Variants in NTM observed in about 807,000 individuals in gnomAD.
The protein encoded by NTM is neurotrimin, also known as IgLON family member 2.
In NTM, 13 loss-of-function variants were observed where a neutral mutation model predicts 42.1. That is an observed-to-expected ratio of 0.31 (90% CI 0.20 to 0.49). The LOEUF (loss-of-function observed/expected upper bound fraction) is 0.49, where lower values mean the gene tolerates loss of function less well. NTM is among the 20% of genes least tolerant of loss of function. The pLI is 0.99. For synonymous variants in NTM, 187 were observed against 179.2 expected (o/e 1.04, Z -0.35); for missense variants, 373 against 452.8 (o/e 0.82, Z 1.60).
intron 2 of NTM, among the ~76,000 whole-genome samples, chr11:132,048,818 CTTTTTTTT>C (rs10563617): frequency 6.8e-5 from 9 of 132,998 alleles, no homozygotes; most frequent in South Asian, 2.5e-4. Flanking sequence ...TTTCTTTTTT[CTTTTTTTT>C]TTTTTTTTTT....
intron 2 of NTM, among the ~76,000 whole-genome samples, chr11:131,931,471 G>A (rs1047383731): frequency 9.1e-6 from 1 of 109,978 alleles, no homozygotes; most frequent in Non-Finnish European, 1.8e-5. Context: ...ATATATACGT[G>A]TGTGTGTGTG....
At chr11:132,285,052 G>A (rs1019861617) in intron 4 of NTM, 2 of 152,416 alleles carry the variant, frequency 1.3e-5, no homozygotes, top group African/African-American at 4.8e-5. Flanking sequence ...AGAAAGAGCA[G>A]TGTGAGGAGC....
chr11:132,023,803 TGG>T (rs1306432600), intron 2 of NTM, among the ~76,000 whole-genome samples: 13 of 119,790 alleles, frequency 1.1e-4, no homozygotes, highest in South Asian at 2.6e-4. Context: ...TTGTTGGTGG[TGG>T]TGGTTTTGTT....
At chr11:131,647,113 C>G (rs865802151) in intron 1 of NTM, among the ~76,000 whole-genome samples, 3 of 152,196 alleles carry the variant, frequency 2.0e-5, no homozygotes, top group Non-Finnish European at 4.4e-5. Context: ...AAATCCCACA[C>G]GTTTTCTCAG....
At chr11:132,170,387 C>G (rs1433345583) in intron 3 of NTM, among the ~76,000 whole-genome samples, 1 of 152,194 alleles carries the variant, frequency 6.6e-6, no homozygotes, top group Non-Finnish European at 1.5e-5. Context: ...CAGTGATGAG[C>G]AACTAACTAC....
chr11:132,226,530 A>G (rs561587312), intron 4 of NTM, among the ~76,000 whole-genome samples: 6 of 152,068 alleles, frequency 3.9e-5, no homozygotes, highest in Admixed American at 6.6e-5. Context: ...GTCTGTTCAT[A>G]TCCTTCGCCC....
At chr11:131,805,954 G>A (rs1052663030) in intron 1 of NTM, among the ~76,000 whole-genome samples, 10 of 152,134 alleles carry the variant, frequency 6.6e-5, no homozygotes, top group East Asian at 1.9e-4. Flanking sequence ...TGGACTTCAC[G>A]CTTTTGATAA....
At position 131,711,643 on chromosome 11, in the gene NTM, AG is replaced by A. The variant is rs796718830; in HGVS notation, c.83-199919del. Among the ~76,000 whole-genome samples the A allele has an allele frequency of 8.5e-5, 13 of 152,190 alleles. No individual in the cohort carries two copies. In the South Asian group the frequency reaches 2.5e-3, roughly 29 times the overall value. On this transcript the variant is annotated intron_variant, in intron 1 of 8. Transcript: ENST00000683400. ...ATCCCATTACTGGGTATATACCCAA[AG>A]GACTATAAATCATGCTGCTATAAAG...
chr11:131,543,886 CAGTT>C (rs1202680825), intron 1 of NTM, among the ~76,000 whole-genome samples: 4 of 152,334 alleles, frequency 2.6e-5, no homozygotes, highest in African/African-American at 7.2e-5. Flanking sequence ...TAATTAATAA[CAGTT>C]AGTAAACACC....
intron 2 of NTM, among the ~76,000 whole-genome samples, chr11:132,020,827 TA>T (rs2074225887): frequency 6.6e-6 from 1 of 152,126 alleles, no homozygotes; most frequent in Non-Finnish European, 1.5e-5. Context: ...ATGGTTGTTT[TA>T]TTTTTTTCTT....
intron 3 of NTM, among the ~76,000 whole-genome samples, chr11:132,187,623 G>A (rs1177770473): frequency 6.6e-6 from 1 of 152,122 alleles, no homozygotes; most frequent in East Asian, 1.9e-4. Flanking sequence ...CCTCCAGAAG[G>A]GGCAGTGAGA....
intron 2 of NTM, among the ~76,000 whole-genome samples, chr11:132,040,431 T>A (rs534626861): frequency 6.6e-6 from 1 of 152,362 alleles, no homozygotes; most frequent in East Asian, 1.9e-4. Flanking sequence ...TGGGGCAGTT[T>A]GGGTGACACA....
At chr11:132,062,697 T>C (rs1228903316) in intron 2 of NTM, among the ~76,000 whole-genome samples, 1 of 152,198 alleles carries the variant, frequency 6.6e-6, no homozygotes, top group Non-Finnish European at 1.5e-5. Flanking sequence ...GTGAGAAGAC[T>C]TCAGAATCAT....
intron 1 of NTM, among the ~76,000 whole-genome samples, chr11:131,618,851 C>G (rs1451326683): frequency 6.6e-6 from 1 of 152,142 alleles, no homozygotes; most frequent in Non-Finnish European, 1.5e-5. Context: ...CCATGTGTAT[C>G]CATCACCAAC....
intron 2 of NTM, among the ~76,000 whole-genome samples, chr11:132,088,874 C>T (rs2060057140): frequency 2.0e-5 from 3 of 151,276 alleles, no homozygotes; most frequent in South Asian, 2.1e-4. Context: ...GTCTTTTTTG[C>T]ATTATTAACT....
At chr11:131,822,779 A>T (rs924339664) in intron 1 of NTM, among the ~76,000 whole-genome samples, 7 of 152,214 alleles carry the variant, frequency 4.6e-5, no homozygotes, top group Admixed American at 1.3e-4. Flanking sequence ...AGGGGAACTT[A>T]TGAAAACAAA....
At chr11:131,382,736 T>G (rs1942841192) in intron 1 of NTM, among the ~76,000 whole-genome samples, 1 of 152,230 alleles carries the variant, frequency 6.6e-6, no homozygotes, top group African/African-American at 2.4e-5. Flanking sequence ...GGAGCACTAA[T>G]CATCCTGATC....
At position 132,255,888 on chromosome 11, in the gene NTM, G is replaced by T. The variant is rs562530771; in HGVS notation, c.526+43741G>T. Among the ~76,000 whole-genome samples the T allele has an allele frequency of 1.2e-3, 178 of 152,104 alleles. 1 individual carries two copies. The highest frequency in any genetic ancestry group is 4.1e-3 in the African/African-American group (171 of 41,484). ...CCTCTACACCCAGGAAGCTGGTCTCGGTTGCACATCTTCACCTCGCTCCTC... is the reference window on the plus strand; with the variant it reads ...CCTCTACACCCAGGAAGCTGGTCTCTGTTGCACATCTTCACCTCGCTCCTC... On this transcript the variant is annotated intron_variant, in intron 4 of 8. Transcript: ENST00000683400.
intron 1 of NTM, among the ~76,000 whole-genome samples, chr11:131,623,497 A>G (rs1055759053): frequency 2.0e-5 from 3 of 152,264 alleles, no homozygotes; most frequent in East Asian, 1.9e-4. Flanking sequence ...AGAGAGTCCA[A>G]AGTATTTCCA....
Sources: allele counts gnomAD v4.1 joint callset (sites outside exome capture counted in the v4.1 genomes callset), GRCh38; gene constraint gnomAD v4.1.1; transcripts MANE v1.5; gene names NCBI Gene and HGNC (gene_info 2026-07-23, HGNC 2026-07-21).